The following PRKCA variants were observed in gnomAD, a reference collection of about 807,000 sequenced individuals.
PRKCA encodes the protein protein kinase C alpha type.
A neutral mutation model predicts 87.0 loss-of-function variants in PRKCA; 27 were observed. That is an observed-to-expected ratio of 0.31 (90% CI 0.23 to 0.43). The LOEUF (loss-of-function observed/expected upper bound fraction) is 0.43, where lower values mean the gene tolerates loss of function less well. Among genes scored for constraint, PRKCA ranks in the 20% least tolerant of loss-of-function variants. The pLI, the probability that PRKCA is intolerant of heterozygous loss-of-function variation, is 1.00. For synonymous variants in PRKCA, 329 were observed against 311.1 expected, an observed-to-expected ratio of 1.06 and a Z score of -0.61; for missense variants, 518 against 852.3, an observed-to-expected ratio of 0.61 and a Z score of 4.88.
intron 2 of PRKCA, 121 bp from the exon 3 acceptor site, chr17:66,496,080 A>T: frequency 1.3e-6 from 1 of 743,166 alleles, no homozygotes; most frequent in Non-Finnish European, 2.3e-6. Context: ...ATTGCTGTTT[A>T]TAAGATTCTG....
chr17:66,339,990 A>C (rs1325893589), intron 2 of PRKCA: 1 of 152,200 alleles, frequency 6.6e-6, no homozygotes, highest in Non-Finnish European at 1.5e-5. Flanking sequence ...GGTCTACACT[A>C]TAACTCCTAT....
At chr17:66,774,862 AAGTCC>A in intron 14 of PRKCA, 1 of 985,316 alleles carries the variant, frequency 1.0e-6, no homozygotes, top group Non-Finnish European at 1.2e-6. Context: ...ATTTTCACTG[AAGTCC>A]AGTGAGGCTG....
At position 66,395,276 on chromosome 17, in the gene PRKCA, T is replaced by C. The variant is rs546048095; in HGVS notation, c.205+89149T>C. 2.0e-5 allele frequency among the ~76,000 whole-genome samples: 3 copies of C among 152,272 alleles called. No individual in the cohort carries two copies. In the South Asian group the frequency reaches 6.2e-4, roughly 32 times the overall value. ...ACAGCAGAGTGGAATGGAGATCCAA[T>C]GCAAGATGTGCAATTTTAAATATTC... is the stretch of plus-strand genomic sequence containing the variant. On this transcript the variant is annotated intron_variant, in intron 2 of 16. Transcript: ENST00000413366.
At position 66,716,807 on chromosome 17, in the gene PRKCA, T is replaced by C. The variant is rs569689582; in HGVS notation, c.919-15881T>C. ...ACACGTCAGGGTCCCACGTTTCTCC[T>C]TGGAGAATGGCTCAGTTGCCATGAC... On this transcript the variant is annotated intron_variant, in intron 8 of 16. Coordinates refer to ENST00000413366, the MANE Select transcript of PRKCA (RefSeq NM_002737.3). Among the ~76,000 whole-genome samples, 43 of 152,356 alleles carry C rather than the reference T, an allele frequency of 2.8e-4. 1 individual carries two copies. The highest frequency in any genetic ancestry group is 1.0e-3 in the African/African-American group (42 of 41,586).
intron 8 of PRKCA, among the ~76,000 whole-genome samples, chr17:66,718,398 G>A (rs1334062971): frequency 1.3e-5 from 2 of 152,134 alleles, no homozygotes; most frequent in East Asian, 1.9e-4. Flanking sequence ...CTGCATCCTC[G>A]AATTCCTGGG....
intron 2 of PRKCA, among the ~76,000 whole-genome samples, chr17:66,400,476 G>C (rs1910957951): frequency 6.6e-6 from 1 of 152,152 alleles, no homozygotes; most frequent in African/African-American, 2.4e-5. Context: ...TTTTGAAACA[G>C]ACCTCCAGAA....
chr17:66,706,779 G>A (rs1973204401), intron 8 of PRKCA, among the ~76,000 whole-genome samples: 1 of 151,770 alleles, frequency 6.6e-6, no homozygotes, highest in Admixed American at 6.6e-5. Context: ...TCATTCATTC[G>A]TGTGTTGTCC....
chr17:66,314,875 ATGTGTGTG>A (rs56889057), intron 2 of PRKCA, among the ~76,000 whole-genome samples: 11 of 148,560 alleles, frequency 7.4e-5, no homozygotes, highest in South Asian at 6.5e-4. Context: ...ATATATATAT[ATGTGTGTG>A]TGTGTGTGTG....
chr17:66,585,531 T>G (rs2143495987), intron 3 of PRKCA, among the ~76,000 whole-genome samples: 1 of 152,294 alleles, frequency 6.6e-6, no homozygotes, highest in South Asian at 2.1e-4. Context: ...TAAGATTACA[T>G]TCTCAGGTAT....
chr17:66,710,456 C>T (rs768675220), intron 8 of PRKCA, among the ~76,000 whole-genome samples: 6 of 152,112 alleles, frequency 3.9e-5, no homozygotes, highest in African/African-American at 7.2e-5. Context: ...CTGTCATGTC[C>T]GCTTCTTAAA....
chr17:66,425,654 A>G (rs1398710744), intron 2 of PRKCA, among the ~76,000 whole-genome samples: 2 of 152,342 alleles, frequency 1.3e-5, no homozygotes, highest in African/African-American at 4.8e-5. Flanking sequence ...ACAGTGTTGC[A>G]TGGAAAGCGA....
At chr17:66,711,504 A>G (rs1466761333) in intron 8 of PRKCA, among the ~76,000 whole-genome samples, 1 of 152,174 alleles carries the variant, frequency 6.6e-6, no homozygotes, top group Non-Finnish European at 1.5e-5. Flanking sequence ...TGCAACTTGC[A>G]TGTAAATGGT....
At chr17:66,401,333 G>C (rs955551791) in intron 2 of PRKCA, among the ~76,000 whole-genome samples, 5 of 152,194 alleles carry the variant, frequency 3.3e-5, no homozygotes, top group Non-Finnish European at 7.3e-5. Flanking sequence ...GCTAACCTGG[G>C]AGGTGTGAGT....
At chr17:66,409,023 T>A (rs1350440102) in intron 2 of PRKCA, among the ~76,000 whole-genome samples, 1 of 67,404 alleles carries the variant, frequency 1.5e-5, no homozygotes. Flanking sequence ...TCGCACTCCC[T>A]CCCCAGTCTC....
chr17:66,488,152 T>C (rs1385446520), intron 2 of PRKCA, among the ~76,000 whole-genome samples: 1 of 152,170 alleles, frequency 6.6e-6, no homozygotes, highest in Admixed American at 6.5e-5. Context: ...CTTGGTCTTC[T>C]CTGTTCATTT....
intron 2 of PRKCA, among the ~76,000 whole-genome samples, chr17:66,489,552 A>G (rs1263222049): frequency 3.3e-5 from 5 of 151,680 alleles, no homozygotes; most frequent in African/African-American, 1.2e-4. Flanking sequence ...ATTGACAACT[A>G]TGTGCTCAAG....
At chr17:66,617,576 T>A (rs927312987) in intron 3 of PRKCA, among the ~76,000 whole-genome samples, 5 of 152,154 alleles carry the variant, frequency 3.3e-5, no homozygotes, top group African/African-American at 1.2e-4. Context: ...AGCAGGTAGA[T>A]CTGCCTCCAC....
At chr17:66,342,874 T>G (rs1397753051) in intron 2 of PRKCA, among the ~76,000 whole-genome samples, 2 of 152,216 alleles carry the variant, frequency 1.3e-5, no homozygotes, top group Non-Finnish European at 2.9e-5. Context: ...GTTCCCATTT[T>G]CATAAAGATT....
chr17:66,437,731 T>TTTTTTTTTTTGTGGG (rs55779501), intron 2 of PRKCA, among the ~76,000 whole-genome samples: 2 of 11,142 alleles, frequency 1.8e-4, no homozygotes, highest in Non-Finnish European at 3.3e-4. Context: ...TTTTTTTTTT[T>TTTTTTTTTTTGTGGG]GAGCGGGGGG....
Sources: gnomAD v4.1 joint callset for allele counts (sites outside exome capture counted in the v4.1 genomes callset) on GRCh38, gnomAD v4.1.1 for gene constraint, MANE v1.5 for transcripts, NCBI Gene and HGNC (gene_info 2026-07-23, HGNC 2026-07-21) for gene names.